The following IKBKB-DT variants were observed in gnomAD, a reference collection of about 807,000 sequenced individuals.
IKBKB-DT encodes IKBKB divergent transcript, also known as IKBKB antisense RNA.
intron 3 of IKBKB-DT, among the ~76,000 whole-genome samples, chr8:42,247,052 G>A (rs1807073241): frequency 6.6e-6 from 1 of 152,124 alleles, no homozygotes; most frequent in South Asian, 2.1e-4. Context: ...TGAGAAGACG[G>A]CCACCATCCT....
chr8:42,269,653 A>C (rs1807491679), intron 1 of IKBKB-DT, among the ~76,000 whole-genome samples: 1 of 151,524 alleles, frequency 6.6e-6, no homozygotes. Flanking sequence ...AGAAAGAAAA[A>C]GAGAAAGGAG....
Position 42,259,778 on chromosome 8 carries a change from T to C in IKBKB-DT, n.1529+3551A>G, listed in dbSNP as rs146941686. On this transcript the variant is annotated intron_variant and non_coding_transcript_variant, in intron 3 of 3. Coordinates refer to ENST00000518213, the Ensembl canonical transcript of IKBKB-DT. ...GGGTGGATTGCCTGAGCTCAGGAGC[T>C]CAAGACCAGCCTGAACAACATGGCA... 9.1e-3 allele frequency among the ~76,000 whole-genome samples: 1,381 copies of C among 152,022 alleles called. 23 individuals are homozygous for C. The highest frequency in any genetic ancestry group is 0.048 in the Admixed American group (733 of 15,246).
chr8:42,264,505 G>A (rs1400068037), intron 2 of IKBKB-DT, among the ~76,000 whole-genome samples: 1 of 152,114 alleles, frequency 6.6e-6, no homozygotes, highest in Non-Finnish European at 1.5e-5. Context: ...GCAGAGAGAT[G>A]GTTTTTATAG....
In IKBKB-DT at chr8:42,254,978, C is replaced by A. The variant is rs567743588; in HGVS notation, n.1529+8351G>T. Among the ~76,000 whole-genome samples the A allele has an allele frequency of 4.8e-5, 7 of 147,354 alleles. No homozygotes were observed. In the South Asian group the frequency reaches 1.5e-3, roughly 32 times the overall value. On this transcript the variant is annotated intron_variant and non_coding_transcript_variant, in intron 3 of 3. Transcript: ENST00000518213. ...CTCTGCCCAGCTGCCCACTGTCTGG[C>A]AAATGAGGAGTGCCTCTGCCCGGCC... is the stretch of plus-strand genomic sequence containing the variant.
chr8:42,247,266 G>T (rs1807075821), intron 3 of IKBKB-DT, among the ~76,000 whole-genome samples: 1 of 152,192 alleles, frequency 6.6e-6, no homozygotes, highest in South Asian at 2.1e-4. Context: ...AGTCAAAGAA[G>T]ATTATTTTGG....
intron 1 of IKBKB-DT, among the ~76,000 whole-genome samples, chr8:42,269,919 T>A (rs1415768958): frequency 1.3e-5 from 2 of 152,240 alleles, no homozygotes; most frequent in Non-Finnish European, 2.9e-5. Flanking sequence ...TCTTTGTTAC[T>A]GATGTTTTGG....
At chr8:42,264,794 G>A (rs1807347872) in intron 2 of IKBKB-DT, among the ~76,000 whole-genome samples, 2 of 151,544 alleles carry the variant, frequency 1.3e-5, no homozygotes, top group Non-Finnish European at 2.9e-5. Context: ...CCTGGCCTCA[G>A]GTGATCCACC....
intron 3 of IKBKB-DT, among the ~76,000 whole-genome samples, chr8:42,235,770 G>A (rs1009710759): frequency 1.2e-4 from 18 of 152,100 alleles, no homozygotes; most frequent in Admixed American, 7.2e-4. Flanking sequence ...CAATTAAACC[G>A]TCTTTACTGC....
intron 3 of IKBKB-DT, among the ~76,000 whole-genome samples, chr8:42,256,409 A>C (rs1044573619): frequency 5.4e-4 from 73 of 134,402 alleles, no homozygotes; most frequent in Non-Finnish European, 9.1e-4. Context: ...CAAAAATACA[A>C]AAAAAAAAAA....
intron 3 of IKBKB-DT, among the ~76,000 whole-genome samples, chr8:42,253,615 A>C (rs1310070877): frequency 6.6e-6 from 1 of 152,256 alleles, no homozygotes; most frequent in African/African-American, 2.4e-5. Flanking sequence ...GACAATGAAC[A>C]GAACTAGAAT....
intron 3 of IKBKB-DT, among the ~76,000 whole-genome samples, chr8:42,260,902 CA>C (rs1412559534): frequency 6.6e-6 from 1 of 152,076 alleles, no homozygotes; most frequent in Admixed American, 6.6e-5. Flanking sequence ...GATGCCTCTC[CA>C]AACAGGGTGC....
exon 1 of IKBKB-DT, chr8:42,271,207 G>A (rs1000588352): frequency 2.4e-5 from 14 of 594,414 alleles, no homozygotes; most frequent in Non-Finnish European, 3.7e-5. Flanking sequence ...CCCGGTCGAG[G>A]GTCCCGGGAC....
chr8:42,249,863 G>A (rs941589190), intron 3 of IKBKB-DT, among the ~76,000 whole-genome samples: 1 of 152,132 alleles, frequency 6.6e-6, no homozygotes, highest in Non-Finnish European at 1.5e-5. Flanking sequence ...GATCACTTGA[G>A]CTCAGGAGTT....
At chr8:42,235,662 C>T (rs986899509) in intron 3 of IKBKB-DT, among the ~76,000 whole-genome samples, 21 of 152,282 alleles carry the variant, frequency 1.4e-4, no homozygotes, top group African/African-American at 5.1e-4. Context: ...CCGGCCTGCC[C>T]ACGAAACTAT....
intron 3 of IKBKB-DT, among the ~76,000 whole-genome samples, chr8:42,253,282 T>C (rs963417818): frequency 5.9e-5 from 9 of 152,250 alleles, no homozygotes; most frequent in African/African-American, 2.2e-4. Context: ...GCCCCTGCTT[T>C]GAGTTGTCTT....
At chr8:42,253,156 T>G (rs372143426) in intron 3 of IKBKB-DT, among the ~76,000 whole-genome samples, 3 of 152,224 alleles carry the variant, frequency 2.0e-5, no homozygotes, top group African/African-American at 7.2e-5. Flanking sequence ...CAAAAGAACC[T>G]TGGTCTCCAC....
intron 3 of IKBKB-DT, among the ~76,000 whole-genome samples, chr8:42,246,887 A>G (rs1807071584): frequency 6.6e-6 from 1 of 152,120 alleles, no homozygotes; most frequent in Non-Finnish European, 1.5e-5. Flanking sequence ...AAATTGTTCC[A>G]CCTCAGATCA....
intron 2 of IKBKB-DT, among the ~76,000 whole-genome samples, chr8:42,264,445 T>C (rs1807342929): frequency 6.6e-6 from 1 of 152,188 alleles, no homozygotes; most frequent in South Asian, 2.1e-4. Context: ...CATGACCCAC[T>C]ACGCCTGGCA....
chr8:42,262,004 A>G (rs1429624513), intron 3 of IKBKB-DT, among the ~76,000 whole-genome samples: 1 of 152,216 alleles, frequency 6.6e-6, no homozygotes, highest in East Asian at 1.9e-4. Flanking sequence ...ACAAACAGGA[A>G]AGCAATAGCT....
Sources: gnomAD v4.1 joint callset for allele counts (sites outside exome capture counted in the v4.1 genomes callset) on GRCh38, gnomAD v4.1.1 for gene constraint, MANE v1.5 for transcripts, NCBI Gene and HGNC (gene_info 2026-07-23, HGNC 2026-07-21) for gene names.